The following NEK6 variants were observed in gnomAD, a reference collection of about 807,000 sequenced individuals.
NEK6 encodes the protein NIMA related kinase 6.
In NEK6, 27 loss-of-function variants were observed where a neutral mutation model predicts 43.5. That is an observed-to-expected ratio of 0.62 (90% CI 0.46 to 0.86). The LOEUF (loss-of-function observed/expected upper bound fraction) is 0.86, where lower values mean the gene tolerates loss of function less well. NEK6 is among the 40% of genes least tolerant of loss of function. NEK6 has a pLI of 0.00. For missense variants in NEK6, 318 were observed against 414.4 expected (o/e 0.77, Z 2.02); for synonymous variants, 167 against 164.1 (o/e 1.02, Z -0.14).
chr9:124,315,372 G>A (rs1291529131), intron 4 of NEK6, among the ~76,000 whole-genome samples: 1 of 152,182 alleles, frequency 6.6e-6, no homozygotes, highest in Non-Finnish European at 1.5e-5. Flanking sequence ...AGAACAAAAG[G>A]GGAGCCCCTG....
chr9:124,299,308 C>CA lies in NEK6; in HGVS notation c.-29-2627dup, dbSNP rs538310193. ...TGGAGGTCTCCCTAAGGGCAGAGGA[C>CA]AGTGAGCATGTCACCCTGAGGGGTC... On this transcript the variant is annotated intron_variant, in intron 1 of 9. Transcript: ENST00000320246. Among the ~76,000 whole-genome samples the CA allele has an allele frequency of 1.4e-4, 22 of 152,356 alleles. 1 individual carries two copies. The South Asian group carries it at 3.3e-3, about 23-fold the overall frequency.
chr9:124,283,684 G>A (rs75277841), intron 1 of NEK6, among the ~76,000 whole-genome samples: 3,563 of 152,206 alleles, frequency 0.023, 162 homozygotes, highest in African/African-American at 0.079. Context: ...CTGTCATTTC[G>A]GCCTCTATCC....
At chr9:124,293,964 T>C (rs1019467248) in intron 1 of NEK6, among the ~76,000 whole-genome samples, 1 of 152,238 alleles carries the variant, frequency 6.6e-6, no homozygotes, top group Non-Finnish European at 1.5e-5. Context: ...CACTGTGTGC[T>C]CACAGAGTCC....
intron 1 of NEK6, among the ~76,000 whole-genome samples, chr9:124,284,656 T>C (rs544272717): frequency 3.9e-5 from 6 of 152,244 alleles, no homozygotes; most frequent in Non-Finnish European, 8.8e-5. Flanking sequence ...GGCCCTGTCC[T>C]TCCACACCTG....
chr9:124,263,820 G>A (rs553385360), intron 1 of NEK6, among the ~76,000 whole-genome samples: 37 of 152,338 alleles, frequency 2.4e-4, no homozygotes, highest in African/African-American at 8.7e-4. Context: ...TGGCCCTGTG[G>A]CGCCTCAGGA....
intron 8 of NEK6, among the ~76,000 whole-genome samples, chr9:124,347,187 C>T (rs1374697902): frequency 6.6e-6 from 1 of 152,244 alleles, no homozygotes; most frequent in Admixed American, 6.5e-5. Flanking sequence ...CTTCCACAGG[C>T]AGCAGCTCTG....
At chr9:124,268,254 C>T (rs1831300116) in intron 1 of NEK6, among the ~76,000 whole-genome samples, 1 of 152,062 alleles carries the variant, frequency 6.6e-6, no homozygotes, top group African/African-American at 2.4e-5. Flanking sequence ...GATAGGGAGT[C>T]ATTATCCCTC....
At chr9:124,334,470 G>A (rs1052354123) in intron 7 of NEK6, among the ~76,000 whole-genome samples, 1 of 152,224 alleles carries the variant, frequency 6.6e-6, no homozygotes, top group Admixed American at 6.5e-5. Context: ...GAGGAATGAG[G>A]TGAAGAGAGG....
chr9:124,309,245 G>T (rs966779810), intron 2 of NEK6, among the ~76,000 whole-genome samples: 1 of 152,220 alleles, frequency 6.6e-6, no homozygotes, highest in Non-Finnish European at 1.5e-5. Context: ...CTCTAATTGG[G>T]TCGGATGGAC....
chr9:124,296,230 G>A (rs1832682690), intron 1 of NEK6, among the ~76,000 whole-genome samples: 1 of 152,248 alleles, frequency 6.6e-6, no homozygotes, highest in Non-Finnish European at 1.5e-5. Flanking sequence ...AGTACCATTC[G>A]CTCGGGGCGG....
chr9:124,296,372 A>G (rs1467341906), intron 1 of NEK6, among the ~76,000 whole-genome samples: 1 of 152,106 alleles, frequency 6.6e-6, no homozygotes, highest in African/African-American at 2.4e-5. Flanking sequence ...TGGAGAGGGG[A>G]GTACAGTGTC....
chr9:124,345,851 C>A (rs79743788), intron 8 of NEK6, among the ~76,000 whole-genome samples: 1 of 152,172 alleles, frequency 6.6e-6, no homozygotes, highest in Admixed American at 6.5e-5. Flanking sequence ...CCCGATTAAC[C>A]CTTTGCACCC....
intron 2 of NEK6, among the ~76,000 whole-genome samples, chr9:124,310,724 A>C (rs1008812319): frequency 2.6e-5 from 4 of 150,944 alleles, no homozygotes; most frequent in Non-Finnish European, 5.9e-5. Context: ...CGGCCTCCCA[A>C]ATGGCTGGGA....
chr9:124,324,388 G>A lies in NEK6; in HGVS notation c.406-1942G>A, dbSNP rs1333831133. On this transcript the variant is annotated intron_variant, in intron 5 of 9. Coordinates refer to ENST00000320246, the MANE Select transcript of NEK6 (RefSeq NM_014397.6). This position sits in a 1 kb window ranked among gnomAD's most constrained non-coding sequence, Gnocchi z 5.3. ...GTCCCGAGAGCCTGCAGCCTCAAGGGCTGAGCTGCGCCATCACAGCCATGG... is the reference window on the plus strand; with the variant it reads ...GTCCCGAGAGCCTGCAGCCTCAAGGACTGAGCTGCGCCATCACAGCCATGG... Among the ~76,000 whole-genome samples the A allele has an allele frequency of 6.6e-6, 1 of 152,224 alleles. No individual in the cohort carries two copies. Among genetic ancestry groups the A allele is most frequent in the East Asian group, 1.9e-4 (1 of 5,200 alleles).
upstream of NEK6, chr9:124,257,644 G>T: frequency 6.6e-7 from 1 of 1,517,450 alleles, no homozygotes; most frequent in Non-Finnish European, 8.8e-7. Flanking sequence ...ACGCACAGGA[G>T]TCCAAGGGTT....
At chr9:124,310,384 T>C (rs1404208651) in intron 2 of NEK6, among the ~76,000 whole-genome samples, 2 of 152,194 alleles carry the variant, frequency 1.3e-5, no homozygotes, top group African/African-American at 2.4e-5. Context: ...CCGACAGACA[T>C]TGGCACATGG....
rs749765949 is a variant in NEK6 at position 124,313,964 on chromosome 9, C to G, written c.273C>G (p.Val91=). ...ACGCCAAGGCGAGGCAGGACTGTGT[C>G]AAGGAGATCGGCCTCTTGAAGGTGA... ...MMDAKARQDC[V]KEIGLLKQLN... is the part of the protein sequence containing the mutation. Residue 91 remains valine, a synonymous_variant, in exon 4 of 10, where the codon GTC becomes GTG. Transcript: ENST00000320246. The G allele has an allele frequency of 5.0e-6, 8 of 1,614,208 alleles. No homozygotes were observed. Among genetic ancestry groups the G allele is most frequent in the Non-Finnish European group, 6.8e-6 (8 of 1,180,022 alleles).
chr9:124,282,712 C>T (rs1266499700), intron 1 of NEK6, among the ~76,000 whole-genome samples: 4 of 152,252 alleles, frequency 2.6e-5, no homozygotes, highest in Admixed American at 6.5e-5. Context: ...TTCATTCCTA[C>T]GCTTTCATAC....
At position 124,351,208 on chromosome 9, in the gene NEK6, A is replaced by G. The variant is rs982206942; in HGVS notation, c.*261A>G. On this transcript the variant is annotated 3_prime_UTR_variant, in exon 10 of 10. Transcript: ENST00000320246. ...CAATCTCAGCTGGGTCAATAAGGGC[A>G]GGTGGTTCAGCGAGCCACGGCAGCC... 1 of 380,642 alleles carries G rather than the reference A, an allele frequency of 2.6e-6. No homozygotes were observed. The highest frequency in any genetic ancestry group is 4.9e-6 in the Non-Finnish European group (1 of 205,334). The allele number at this position is 380,642 out of a possible 1,614,324, so 23.6% of individuals were successfully genotyped here. A position where few individuals can be genotyped will look rare whatever the true frequency, so the allele number is the denominator to read the frequency against.
Sources: allele counts gnomAD v4.1 joint callset (sites outside exome capture counted in the v4.1 genomes callset), GRCh38; gene constraint gnomAD v4.1.1; non-coding constraint Gnocchi (gnomAD v3.1); transcripts MANE v1.5; gene names NCBI Gene and HGNC (gene_info 2026-07-23, HGNC 2026-07-21).